Variants in ATXN8OS observed in about 807,000 individuals in gnomAD.
ATXN8OS encodes the protein ATXN8 opposite strand lncRNA.
chr13:70,131,671 CA>C, intron 3 of ATXN8OS: 1 of 395,334 alleles, frequency 2.5e-6, no homozygotes, highest in Non-Finnish European at 4.5e-6. Flanking sequence ...ATTCTCTGGC[CA>C]ACCCAGACTA....
rs562179423 is a variant in ATXN8OS, at chr13:70,128,370, T to C, written n.399-1414T>C. ...GTTCTTTCTGAACATTAGTGCCCCA[T>C]AACTGTCTTTTACAATGTAATTCAT... On this transcript the variant is annotated intron_variant and non_coding_transcript_variant, in intron 2 of 4. Transcript: ENST00000678624. 2.0e-5 allele frequency among the ~76,000 whole-genome samples: 3 copies of C among 152,264 alleles called. No homozygotes were observed. The East Asian group carries it at 5.8e-4, about 29-fold the overall frequency.
chr13:70,113,075 C>T (rs1367214179), intron 1 of ATXN8OS, among the ~76,000 whole-genome samples: 1 of 151,452 alleles, frequency 6.6e-6, no homozygotes, highest in East Asian at 1.9e-4. Flanking sequence ...GGCACCACCA[C>T]CACACCCAGC....
At chr13:70,158,375 G>A (rs140810340) in intron 4 of ATXN8OS, among the ~76,000 whole-genome samples, 2 of 152,148 alleles carry the variant, frequency 1.3e-5, no homozygotes, top group Non-Finnish European at 2.9e-5. Flanking sequence ...CCAAGATTAC[G>A]CCACTGCACT....
At chr13:70,170,393 T>C (rs1556058) in exon 5 of ATXN8OS, among the ~76,000 whole-genome samples, 141,130 of 152,124 alleles carry the variant, frequency 0.93, 66,011 homozygotes, top group East Asian at 0.99. Context: ...AGTGTTTATA[T>C]GCAATACATT....
At chr13:70,146,949 T>C (rs1442926381) in intron 3 of ATXN8OS, among the ~76,000 whole-genome samples, 2 of 152,088 alleles carry the variant, frequency 1.3e-5, no homozygotes, top group South Asian at 4.1e-4. Context: ...TCATAATATA[T>C]CTTGATGTTA....
At chr13:70,147,244 T>C (rs1478053514) in intron 3 of ATXN8OS, among the ~76,000 whole-genome samples, 1 of 152,170 alleles carries the variant, frequency 6.6e-6, no homozygotes, top group Admixed American at 6.6e-5. Context: ...AATATAAGAA[T>C]GCTAATTAAA....
Position 70,169,659 on chromosome 13 carries a change from TGAGGGGC to T in ATXN8OS, n.574-93_574-87del, listed in dbSNP as rs759973628. Among the ~76,000 whole-genome samples the T allele has an allele frequency of 6.3e-3, 959 of 152,200 alleles. 11 individuals carry two copies. Among genetic ancestry groups the T allele is most frequent in the Non-Finnish European group, 0.012 (827 of 67,978 alleles). ...CTGATGATCTGTTTAAAGCTCTCTT[TGAGGGGC>T]AACACATCCATCCCTCTCCTAATAA... is the stretch of plus-strand genomic sequence containing the variant. On this transcript the variant is annotated intron_variant and non_coding_transcript_variant, in intron 4 of 4. Transcript: ENST00000678624.
upstream of ATXN8OS, chr13:70,107,468 A>G (rs540243380): frequency 5.0e-5 from 80 of 1,614,072 alleles, no homozygotes; most frequent in Admixed American, 7.0e-4. Flanking sequence ...GAGGACGATG[A>G]AGAGGAAGAG....
intron 1 of ATXN8OS, among the ~76,000 whole-genome samples, chr13:70,114,382 T>C (rs939569397): frequency 1.3e-5 from 2 of 152,156 alleles, no homozygotes; most frequent in South Asian, 2.1e-4. Context: ...TGACATGGAC[T>C]TCACACAATA....
chr13:70,159,206 T>C (rs1888973091), intron 4 of ATXN8OS, among the ~76,000 whole-genome samples: 1 of 151,988 alleles, frequency 6.6e-6, no homozygotes, highest in African/African-American at 2.4e-5. Flanking sequence ...TCTCACTTTT[T>C]ATTACACATA....
chr13:70,166,983 T>A (rs2137508137), intron 4 of ATXN8OS, among the ~76,000 whole-genome samples: 1 of 151,786 alleles, frequency 6.6e-6, no homozygotes, highest in South Asian at 2.1e-4. Context: ...CTCACACCAG[T>A]TAGAATGGCA....
chr13:70,118,588 G>T (rs1276318050), intron 2 of ATXN8OS, among the ~76,000 whole-genome samples: 2 of 151,972 alleles, frequency 1.3e-5, no homozygotes, highest in Non-Finnish European at 2.9e-5. Context: ...AGAGAGACTG[G>T]AAATTTTTTT....
chr13:70,127,259 T>A (rs991097310), intron 2 of ATXN8OS, among the ~76,000 whole-genome samples: 1 of 152,018 alleles, frequency 6.6e-6, no homozygotes, highest in Non-Finnish European at 1.5e-5. Context: ...TTGCTCAAGG[T>A]AGGAGATCTA....
chr13:70,125,660 G>A (rs796180467), intron 2 of ATXN8OS, among the ~76,000 whole-genome samples: 13 of 152,210 alleles, frequency 8.5e-5, no homozygotes, highest in Admixed American at 5.2e-4. Context: ...TTTTCTTTTA[G>A]GTAGTGGTGA....
At chr13:70,142,197 G>A (rs189350707) in intron 3 of ATXN8OS, among the ~76,000 whole-genome samples, 2 of 152,206 alleles carry the variant, frequency 1.3e-5, no homozygotes, top group East Asian at 3.9e-4. Flanking sequence ...ATTTTAACAT[G>A]TACAGAATAT....
At chr13:70,126,607 T>TTA (rs3072615) in intron 2 of ATXN8OS, among the ~76,000 whole-genome samples, 34,049 of 149,794 alleles carry the variant, frequency 0.23, 3,994 homozygotes, top group Admixed American at 0.29. Context: ...TCTAGACATA[T>TTA]TATATATATA....
At chr13:70,111,720 T>G (rs1390293877) in intron 1 of ATXN8OS, among the ~76,000 whole-genome samples, 1 of 152,170 alleles carries the variant, frequency 6.6e-6, no homozygotes, top group Non-Finnish European at 1.5e-5. Context: ...ACAAGCACAA[T>G]TAAATGTATA....
At chr13:70,148,981 CAACT>C (rs1888826484) in intron 4 of ATXN8OS, among the ~76,000 whole-genome samples, 2 of 152,078 alleles carry the variant, frequency 1.3e-5, no homozygotes, top group African/African-American at 2.4e-5. Flanking sequence ...ATATGAATCT[CAACT>C]AATAAAAGAA....
chr13:70,139,386 G>A (rs633100), intron 3 of ATXN8OS: 9,615 of 253,362 alleles, frequency 0.038, 160 homozygotes, highest in African/African-American at 0.17. Flanking sequence ...TACTACTACT[G>A]CTGCTGCTGC....
Sources: gnomAD v4.1 joint callset for allele counts (sites outside exome capture counted in the v4.1 genomes callset) on GRCh38, gnomAD v4.1.1 for gene constraint, MANE v1.5 for transcripts, NCBI Gene and HGNC (gene_info 2026-07-23, HGNC 2026-07-21) for gene names.